NR3C2: variants seen among roughly 807,000 people sequenced by gnomAD.
NR3C2 encodes the protein nuclear receptor subfamily 3 group C member 2.
NR3C2 carries 15 observed loss-of-function variants against 86.4 expected under a neutral mutation model. That is an observed-to-expected ratio of 0.17 (90% CI 0.12 to 0.27). The LOEUF is 0.27. NR3C2 is among the 10% of genes least tolerant of loss of function. The pLI, the probability that NR3C2 is intolerant of heterozygous loss-of-function variation, is 1.00. For missense variants in NR3C2, 960 were observed against 1,195.6 expected (o/e 0.80, Z 2.91); for synonymous variants, 458 against 450.5 (o/e 1.02, Z -0.21).
At chr4:148,269,294 C>G (rs1579087587) in intron 2 of NR3C2, among the ~76,000 whole-genome samples, 1 of 152,148 alleles carries the variant, frequency 6.6e-6, no homozygotes, top group African/African-American at 2.4e-5. Context: ...CAACTGCCAA[C>G]AAGAGGACAA....
intron 8 of NR3C2, among the ~76,000 whole-genome samples, chr4:148,082,436 G>A (rs1164147887): frequency 4.6e-5 from 7 of 152,248 alleles, no homozygotes; most frequent in East Asian, 3.9e-4. Flanking sequence ...AGGGTGGGGC[G>A]TCGCCTCACC....
At chr4:148,125,765 CATGA>C (rs1732715776) in intron 6 of NR3C2, among the ~76,000 whole-genome samples, 1 of 151,820 alleles carries the variant, frequency 6.6e-6, no homozygotes, top group Non-Finnish European at 1.5e-5. Context: ...AAGCATTTCT[CATGA>C]ATGAATGATA....
chr4:148,238,069 TTAC>T (rs1738832735), intron 3 of NR3C2, among the ~76,000 whole-genome samples: 1 of 152,196 alleles, frequency 6.6e-6, no homozygotes, highest in African/African-American at 2.4e-5. Context: ...ATCACTACTA[TTAC>T]TACTATTTTA....
In NR3C2 at chr4:148,436,452, C is replaced by T. The variant is rs1345015432; in HGVS notation, c.409G>A (p.Val137Ile). ...SMSPAKIYQN[V>I]EQLVKFYKGN... is the part of the protein sequence containing the mutation. ...TTGTAAAATTTCACCAGCTGTTCAA[C>T]ATTCTGATAAATCTTAGCTGGACTC... Residue 137 changes from valine to isoleucine, a missense_variant, in exon 2 of 9, where the codon GTT becomes ATT. Physicochemically the swap from Val to Ile is conservative, Grantham distance 29 (BLOSUM62 3). Coordinates refer to ENST00000358102, the MANE Select transcript of NR3C2 (RefSeq NM_000901.5). The T allele has an allele frequency of 6.2e-7, 1 of 1,614,224 alleles. No homozygotes were observed. The highest frequency in any genetic ancestry group is 2.2e-5 in the East Asian group (1 of 44,886).
chr4:148,324,343 GTGTGTGTGTGTGTGTGTGTGTGTT>G (rs909133960), intron 2 of NR3C2, among the ~76,000 whole-genome samples: 1 of 79,246 alleles, frequency 1.3e-5, no homozygotes, highest in African/African-American at 5.6e-5. Context: ...GTGTGTGTGT[GTGTGTGTGTGTGTGTGTGTGTGTT>G]TGTGTGTGTG....
At chr4:148,281,171 C>T (rs1010280685) in intron 2 of NR3C2, among the ~76,000 whole-genome samples, 6 of 152,080 alleles carry the variant, frequency 3.9e-5, no homozygotes, top group Non-Finnish European at 8.8e-5. Flanking sequence ...GTTATAACCT[C>T]CAAAGGAGAG....
chr4:148,346,422 C>G (rs10857233), intron 2 of NR3C2, among the ~76,000 whole-genome samples: 46,382 of 151,678 alleles, frequency 0.31, 7,885 homozygotes, highest in African/African-American at 0.45. Context: ...GCAGGCTGGG[C>G]GAAGGAAGAG....
intron 3 of NR3C2, among the ~76,000 whole-genome samples, chr4:148,217,433 G>C (rs928057637): frequency 6.6e-6 from 1 of 152,122 alleles, no homozygotes; most frequent in Non-Finnish European, 1.5e-5. Context: ...CTTGGGACAG[G>C]GCCAGTCATA....
At chr4:148,216,755 C>A (rs1372697547) in intron 3 of NR3C2, among the ~76,000 whole-genome samples, 1 of 152,192 alleles carries the variant, frequency 6.6e-6, no homozygotes, top group Non-Finnish European at 1.5e-5. Flanking sequence ...GCTTTGTTGA[C>A]TAAGTAGTAT....
rs1188948757 is a variant in NR3C2 at position 148,078,776 on chromosome 4, A to T, written c.*2568T>A. 2 of 152,650 alleles carry T rather than the reference A, an allele frequency of 1.3e-5. No individual in the cohort carries two copies. The highest frequency in any genetic ancestry group is 3.2e-3 in the Middle Eastern group (1 of 314). 9.5% of individuals were successfully genotyped at this position (152,650 alleles called of 1,614,324 possible). On this transcript the variant is annotated 3_prime_UTR_variant, in exon 9 of 9. Transcript: ENST00000358102. The stretch of plus-strand genomic sequence containing the variant: ...CCAAAACAACAGGTGATTAAAGTAA[A>T]GGATTTATTGTAATCTGCTTACAGT...
At chr4:148,197,142 A>T (rs1250350073) in intron 3 of NR3C2, among the ~76,000 whole-genome samples, 2 of 152,194 alleles carry the variant, frequency 1.3e-5, no homozygotes, top group African/African-American at 4.8e-5. Flanking sequence ...GGTTTTTCTA[A>T]ATACTAATTT....
intron 4 of NR3C2, among the ~76,000 whole-genome samples, chr4:148,184,827 C>T (rs1735817722): frequency 6.6e-6 from 1 of 152,100 alleles, no homozygotes; most frequent in East Asian, 1.9e-4. Flanking sequence ...TGCAATGATT[C>T]CAATATCAGA....
chr4:148,135,198 A>G (rs1733242745), intron 6 of NR3C2, among the ~76,000 whole-genome samples: 1 of 152,144 alleles, frequency 6.6e-6, no homozygotes, highest in Admixed American at 6.5e-5. Context: ...ATTGTCACTT[A>G]ATTGTCAATG....
intron 2 of NR3C2, among the ~76,000 whole-genome samples, chr4:148,339,971 T>C (rs6829058): frequency 0.064 from 9,696 of 152,018 alleles, 420 homozygotes; most frequent in African/African-American, 0.13. Flanking sequence ...AAAAATTAAA[T>C]TCCAAGGAAT....
intron 1 of NR3C2, among the ~76,000 whole-genome samples, chr4:148,438,390 T>TA (rs904959287): frequency 3.3e-5 from 5 of 152,346 alleles, no homozygotes; most frequent in African/African-American, 1.2e-4. Context: ...TCACTCACAG[T>TA]AAAATTTTAT....
At chr4:148,362,220 CT>C (rs1405018852) in intron 2 of NR3C2, among the ~76,000 whole-genome samples, 1 of 152,126 alleles carries the variant, frequency 6.6e-6, no homozygotes, top group East Asian at 1.9e-4. Context: ...GCATTATTTC[CT>C]TTTAGGTAAG....
chr4:148,329,345 C>CAT (rs1744118084), intron 2 of NR3C2, among the ~76,000 whole-genome samples: 1 of 151,798 alleles, frequency 6.6e-6, no homozygotes, highest in South Asian at 2.1e-4. Context: ...CATATATATA[C>CAT]ACATATATGC....
At chr4:148,373,724 C>A (rs1037426568) in intron 2 of NR3C2, among the ~76,000 whole-genome samples, 1 of 152,004 alleles carries the variant, frequency 6.6e-6, no homozygotes, top group Non-Finnish European at 1.5e-5. Context: ...AATCCACCTG[C>A]CTCGGCCTCC....
intron 2 of NR3C2, among the ~76,000 whole-genome samples, chr4:148,389,307 G>C (rs1469013836): frequency 6.6e-6 from 1 of 152,196 alleles, no homozygotes; most frequent in East Asian, 1.9e-4. Flanking sequence ...TGGCCTACCT[G>C]TGTAGGAATA....
Sources: allele counts gnomAD v4.1 joint callset (sites outside exome capture counted in the v4.1 genomes callset), GRCh38; gene constraint gnomAD v4.1.1; transcripts MANE v1.5; gene names NCBI Gene and HGNC (gene_info 2026-07-23, HGNC 2026-07-21).